Variants in FBN2 observed in about 807,000 individuals in gnomAD.
FBN2 encodes the protein fibrillin 2, also known as fibrillin-2.
FBN2 carries 105 observed loss-of-function variants against 355.6 expected under a neutral mutation model. That is an observed-to-expected ratio of 0.30 (90% CI 0.25 to 0.35). The LOEUF (loss-of-function observed/expected upper bound fraction) is 0.35, where lower values mean the gene tolerates loss of function less well. Among genes scored for constraint, FBN2 ranks in the 10% least tolerant of loss-of-function variants. FBN2 has a pLI of 1.00. For synonymous variants in FBN2, 1,350 were observed against 1,301.2 expected (o/e 1.04, Z -0.81); for missense variants, 3,280 against 3,758.7 (o/e 0.87, Z 3.33).
At chr5:128,495,648 C>A (rs1755637251) in intron 5 of FBN2, among the ~76,000 whole-genome samples, 1 of 151,872 alleles carries the variant, frequency 6.6e-6, no homozygotes, top group Non-Finnish European at 1.5e-5. Flanking sequence ...TAATAATGAT[C>A]AGAGAAGGTA....
At chr5:128,464,961 C>T in intron 5 of FBN2, 40 bp from the exon 6 acceptor site, 1 of 1,583,230 alleles carries the variant, frequency 6.3e-7, no homozygotes, top group Non-Finnish European at 8.7e-7. Context: ...GTTTTATGAT[C>T]ATATACTAAT....
intron 36 of FBN2, 138 bp from the exon 37 acceptor site, chr5:128,312,933 G>A: frequency 2.1e-6 from 2 of 932,116 alleles, no homozygotes; most frequent in South Asian, 2.6e-5. Context: ...TAAGTACCAA[G>A]CAATCTCCTG....
At chr5:128,447,590 T>C (rs1309495065) in intron 6 of FBN2, among the ~76,000 whole-genome samples, 1 of 152,216 alleles carries the variant, frequency 6.6e-6, no homozygotes, top group Non-Finnish European at 1.5e-5. Flanking sequence ...GAAACTTCAT[T>C]AGCAATTTTA....
At chr5:128,507,176 A>T (rs1755985701) in intron 5 of FBN2, among the ~76,000 whole-genome samples, 1 of 152,084 alleles carries the variant, frequency 6.6e-6, no homozygotes, top group South Asian at 2.1e-4. Flanking sequence ...GTTTGGTAGA[A>T]TTCACCAGTA....
rs27456 is a variant in FBN2, at chr5:128,300,175, C to G, written c.6166+642G>C. ...ATCTTTTCACGTTAGAAAAACCACA[C>G]TAAAATGCTGGTGCTTCTGAATTTC... On this transcript the variant is annotated intron_variant, in intron 48 of 64. Transcript: ENST00000262464. Among the ~76,000 whole-genome samples, 5 of 152,142 alleles carry G rather than the reference C, an allele frequency of 3.3e-5. 1 individual carries two copies. The South Asian group carries it at 1.0e-3, about 32-fold the overall frequency.
intron 6 of FBN2, among the ~76,000 whole-genome samples, chr5:128,456,476 C>T (rs918931323): frequency 1.3e-5 from 2 of 152,112 alleles, no homozygotes; most frequent in Non-Finnish European, 2.9e-5. Flanking sequence ...GCTCCCAGTG[C>T]CACCCAACTG....
At chr5:128,298,599 G>A (rs550638768) in intron 48 of FBN2, among the ~76,000 whole-genome samples, 50 of 151,870 alleles carry the variant, frequency 3.3e-4, no homozygotes, top group African/African-American at 1.2e-3. Flanking sequence ...ATCTTCCATC[G>A]CTGATACCCT....
intron 23 of FBN2, among the ~76,000 whole-genome samples, chr5:128,346,898 A>C (rs1751196637): frequency 3.3e-5 from 5 of 152,232 alleles, no homozygotes; most frequent in Admixed American, 3.3e-4. Flanking sequence ...CAGCAGACTG[A>C]ATGTAGATAT....
chr5:128,364,872 T>C (rs368269684), intron 17 of FBN2, 147 bp from the exon 18 acceptor site: 6 of 697,700 alleles, frequency 8.6e-6, no homozygotes, highest in East Asian at 2.7e-5. Flanking sequence ...GAAAAAGAAC[T>C]GAAAACAAGG....
intron 4 of FBN2, among the ~76,000 whole-genome samples, chr5:128,524,123 C>T (rs1401775968): frequency 6.6e-6 from 1 of 152,132 alleles, no homozygotes; most frequent in African/African-American, 2.4e-5. Context: ...TTTCCCTTTC[C>T]CCACTTTACT....
intron 20 of FBN2, among the ~76,000 whole-genome samples, chr5:128,351,950 A>C (rs1751379438): frequency 6.6e-6 from 1 of 152,092 alleles, no homozygotes; most frequent in Admixed American, 6.5e-5. Context: ...ATATATCCTT[A>C]ATGACAAATG....
chr5:128,533,948 CT>C (rs1756780307), intron 2 of FBN2, among the ~76,000 whole-genome samples: 1 of 151,682 alleles, frequency 6.6e-6, no homozygotes, highest in Admixed American at 6.6e-5. Flanking sequence ...TTTTTCTAGG[CT>C]ACAACTAAGC....
At chr5:128,342,375 G>A (rs1037042213) in intron 25 of FBN2, among the ~76,000 whole-genome samples, 5 of 152,014 alleles carry the variant, frequency 3.3e-5, no homozygotes, top group African/African-American at 1.2e-4. Context: ...ACACCACAAA[G>A]ATGTTTTGCA....
chr5:128,464,941 A>G lies in FBN2; in HGVS notation c.629-20T>C, dbSNP rs780180342. The stretch of plus-strand genomic sequence containing the variant: ...TGTAATCTGGAATGTGGGAGAAGAA[A>G]GAAAGACAGGTTTTATGATCATATA... On this transcript the variant is annotated intron_variant, in intron 5 of 64. Coordinates refer to ENST00000262464, the MANE Select transcript of FBN2 (RefSeq NM_001999.4). 4.3e-6 allele frequency: 7 copies of G among 1,611,934 alleles called. No individual in the cohort carries two copies. Among genetic ancestry groups the G allele is most frequent in the Non-Finnish European group, 5.9e-6 (7 of 1,178,040 alleles).
chr5:128,358,072 T>C (rs924175293), intron 19 of FBN2, among the ~76,000 whole-genome samples: 2 of 152,178 alleles, frequency 1.3e-5, no homozygotes, highest in African/African-American at 4.8e-5. Flanking sequence ...TGAAATCATA[T>C]ACCATAATCT....
At chr5:128,496,500 C>G (rs1308054182) in intron 5 of FBN2, among the ~76,000 whole-genome samples, 1 of 152,038 alleles carries the variant, frequency 6.6e-6, no homozygotes, top group Non-Finnish European at 1.5e-5. Context: ...TAGAAGGGAA[C>G]TTCCTCAGCA....
At chr5:128,350,511 A>G (rs1053694619) in intron 21 of FBN2, among the ~76,000 whole-genome samples, 13 of 152,220 alleles carry the variant, frequency 8.5e-5, no homozygotes, top group African/African-American at 3.1e-4. Flanking sequence ...AGGTCACGCC[A>G]CTGCACTCCA....
intron 50 of FBN2, 37 bp downstream of exon 50, chr5:128,290,695 T>C: frequency 6.2e-7 from 1 of 1,607,932 alleles, no homozygotes; most frequent in Non-Finnish European, 8.5e-7. Context: ...CAAAAACTGG[T>C]ACACAAAGTG....
chr5:128,490,457 T>A (rs183766550), intron 5 of FBN2, among the ~76,000 whole-genome samples: 18 of 152,316 alleles, frequency 1.2e-4, no homozygotes, highest in African/African-American at 4.1e-4. Context: ...CCACAGCTTA[T>A]TCTCTTAAAT....
Sources: gnomAD v4.1 joint callset for allele counts (sites outside exome capture counted in the v4.1 genomes callset) on GRCh38, gnomAD v4.1.1 for gene constraint, MANE v1.5 for transcripts, NCBI Gene and HGNC (gene_info 2026-07-23, HGNC 2026-07-21) for gene names.